The following SCN9A variants were observed in gnomAD, a reference collection of about 807,000 sequenced individuals.
The protein encoded by SCN9A is sodium voltage-gated channel alpha subunit 9, also known as sodium channel protein type 9 subunit alpha.
Under a neutral mutation model 187.0 loss-of-function variants are expected in SCN9A, and 131 were observed. The ratio of observed to expected loss-of-function variants is 0.70; its 90% CI spans 0.61 to 0.81. The LOEUF (loss-of-function observed/expected upper bound fraction) is 0.81, where lower values mean the gene tolerates loss of function less well. SCN9A is among the 30% of genes least tolerant of loss of function. The probability of loss-of-function intolerance (pLI) is 0.00; values close to 1 mark genes in which losing one functional copy is unlikely to be tolerated. For synonymous variants in SCN9A, 809 were observed against 808.6 expected, an observed-to-expected ratio of 1.00 and a Z score of -0.01; for missense variants, 2,252 against 2,396.6, an observed-to-expected ratio of 0.94 and a Z score of 1.26.
intron 1 of SCN9A, among the ~76,000 whole-genome samples, chr2:166,315,365 C>T (rs1288488201): frequency 2.6e-5 from 4 of 152,174 alleles, no homozygotes; most frequent in Non-Finnish European, 5.9e-5. Flanking sequence ...TATTCCTATT[C>T]TCCTCTGTCT....
chr2:166,234,552 T>C (rs888749333), intron 20 of SCN9A, among the ~76,000 whole-genome samples: 3 of 152,154 alleles, frequency 2.0e-5, no homozygotes, highest in Admixed American at 2.0e-4. Context: ...GGAAGTGTTT[T>C]AAAGTGCTCA....
chr2:166,292,930 G>A (rs1698141571), intron 9 of SCN9A, among the ~76,000 whole-genome samples: 6 of 152,128 alleles, frequency 3.9e-5, no homozygotes, highest in Admixed American at 1.3e-4. Context: ...ATGTGCAGGA[G>A]CAGCTTGAGA....
chr2:166,364,867 A>G (rs1435733272), intron 1 of SCN9A, among the ~76,000 whole-genome samples: 3 of 152,286 alleles, frequency 2.0e-5, no homozygotes, highest in Non-Finnish European at 4.4e-5. Flanking sequence ...TTTTAAATTC[A>G]CTAGCGTGTT....
In SCN9A at chr2:166,265,554, GATTTC is replaced by G. The variant is rs368531275; in HGVS notation, c.3351+6840_3351+6844del. Among the ~76,000 whole-genome samples, 531 of 151,998 alleles carry G rather than the reference GATTTC, an allele frequency of 3.5e-3. 2 individuals carry two copies. Among genetic ancestry groups the G allele is most frequent in the African/African-American group, 0.012 (479 of 41,526 alleles). ...GTTTACTGTATCTCTTCAACATACTGATTTCATTTCATCTGGATATTTACTTAGTA... is the reference window on the plus strand; with the variant it reads ...GTTTACTGTATCTCTTCAACATACTGATTTCATCTGGATATTTACTTAGTA... On this transcript the variant is annotated intron_variant, in intron 17 of 26. Transcript: ENST00000642356.
At chr2:166,303,054 A>C in intron 7 of SCN9A, 36 bp downstream of exon 7, 2 of 1,403,222 alleles carry the variant, frequency 1.4e-6, no homozygotes, top group Non-Finnish European at 2.0e-6. Flanking sequence ...TTTTAGCATT[A>C]TTTCAACCTA....
chr2:166,294,298 C>T (rs1401531741), intron 8 of SCN9A, among the ~76,000 whole-genome samples: 4 of 152,078 alleles, frequency 2.6e-5, no homozygotes, highest in African/African-American at 9.7e-5. Context: ...GAAAGAAGAC[C>T]TGAAATTATC....
chr2:166,349,126 AAAAC>A (rs150473901), intron 1 of SCN9A, among the ~76,000 whole-genome samples: 64,990 of 150,132 alleles, frequency 0.43, 14,146 homozygotes, highest in African/African-American at 0.45. Flanking sequence ...AAACTCCGTC[AAAAC>A]AAACAAACAA....
chr2:166,271,609 C>T (rs1476065320), intron 17 of SCN9A, among the ~76,000 whole-genome samples: 2 of 152,028 alleles, frequency 1.3e-5, no homozygotes, highest in African/African-American at 4.8e-5. Flanking sequence ...GTAATCTCAG[C>T]AACTGGGGAA....
chr2:166,331,904 CTT>C, intron 1 of SCN9A, among the ~76,000 whole-genome samples: 1 of 151,910 alleles, frequency 6.6e-6, no homozygotes, highest in South Asian at 2.1e-4. Context: ...TATATGTCTA[CTT>C]TTTTTTCTAT....
At chr2:166,248,090 G>A (rs1030012118) in intron 18 of SCN9A, 1 of 152,108 alleles carries the variant, frequency 6.6e-6, no homozygotes, top group Non-Finnish European at 1.5e-5. Context: ...ACAAATGTGA[G>A]ACTATGAACA....
chr2:166,295,397 C>T, intron 7 of SCN9A, among the ~76,000 whole-genome samples: 1 of 152,116 alleles, frequency 6.6e-6, no homozygotes, highest in African/African-American at 2.4e-5. Context: ...CGTCCTTGTG[C>T]AAACATCCTA....
chr2:166,335,508 C>A (rs1311870072), intron 1 of SCN9A, among the ~76,000 whole-genome samples: 1 of 152,068 alleles, frequency 6.6e-6, no homozygotes, highest in Non-Finnish European at 1.5e-5. Context: ...AGTAAGACTG[C>A]CGTTGACCTT....
Position 166,284,825 on chromosome 2 carries a change from C to A in SCN9A, c.1603-1G>T. 1.9e-6 allele frequency: 3 copies of A among 1,594,204 alleles called. No individual in the cohort carries two copies. Among genetic ancestry groups the A allele is most frequent in the Non-Finnish European group, 2.6e-6 (3 of 1,173,458 alleles). ...AGGAGCCACGAATGCTGAGTGGTGA[C>A]TGCAGAAAAATTAAAAAAAACGTGG... On this transcript the variant is annotated splice_acceptor_variant, in intron 11 of 26. Coordinates refer to ENST00000642356, the MANE Select transcript of SCN9A (RefSeq NM_001365536.1). LOFTEE classifies it high-confidence loss of function.
chr2:166,362,978 A>G (rs570646108), intron 1 of SCN9A, among the ~76,000 whole-genome samples: 56 of 152,062 alleles, frequency 3.7e-4, no homozygotes, highest in African/African-American at 1.3e-3. Flanking sequence ...AATAGTCACC[A>G]TTTTTCATTT....
intron 17 of SCN9A, among the ~76,000 whole-genome samples, chr2:166,263,099 G>A (rs1696583962): frequency 2.0e-5 from 3 of 151,936 alleles, no homozygotes; most frequent in Admixed American, 2.0e-4. Flanking sequence ...TAAAGGGAGA[G>A]CCTGCATCCA....
chr2:166,325,065 T>C (rs969124600), intron 1 of SCN9A, among the ~76,000 whole-genome samples: 1 of 152,152 alleles, frequency 6.6e-6, no homozygotes, highest in Non-Finnish European at 1.5e-5. Flanking sequence ...GTGGGGTATA[T>C]TGAAACTGTC....
rs1361039808 is a variant in SCN9A at position 166,219,979 on chromosome 2, C to A, written c.4398+6588G>T. On this transcript the variant is annotated intron_variant, in intron 24 of 26. Transcript: ENST00000642356. ...AAATATTTAAACAGAAAAAAACATA[C>A]TACAGAACAAGATCCCTGATGAACA... Among the ~76,000 whole-genome samples, 9 of 152,232 alleles carry A rather than the reference C, an allele frequency of 5.9e-5. No homozygotes were observed. In the East Asian group the frequency reaches 1.7e-3, roughly 29 times the overall value.
intron 1 of SCN9A, among the ~76,000 whole-genome samples, chr2:166,340,399 G>T (rs1408960758): frequency 6.6e-6 from 1 of 151,782 alleles, no homozygotes; most frequent in East Asian, 1.9e-4. Context: ...ACTGATTCTT[G>T]GTTTTTGAAT....
intron 17 of SCN9A, among the ~76,000 whole-genome samples, chr2:166,267,354 G>T (rs1696786245): frequency 6.6e-6 from 1 of 151,958 alleles, no homozygotes; most frequent in African/African-American, 2.4e-5. Flanking sequence ...AATATAGAAA[G>T]TTTATTGTTC....
Sources: gnomAD v4.1 joint callset for allele counts (sites outside exome capture counted in the v4.1 genomes callset) on GRCh38, gnomAD v4.1.1 for gene constraint, MANE v1.5 for transcripts, NCBI Gene and HGNC (gene_info 2026-07-23, HGNC 2026-07-21) for gene names.